SULF1: variants seen among roughly 807,000 people sequenced by gnomAD.
SULF1 encodes the protein extracellular sulfatase Sulf-1.
In SULF1, 46 loss-of-function variants were observed where a neutral mutation model predicts 110.5. The ratio of observed to expected loss-of-function variants is 0.42; its 90% CI spans 0.33 to 0.53. SULF1 has a LOEUF of 0.53. Ranked by LOEUF, SULF1 falls within the 20% of genes least tolerant of loss-of-function variation. The pLI is 0.12. For synonymous variants in SULF1, 371 were observed against 387.1 expected (o/e 0.96, Z 0.49); for missense variants, 941 against 1,094.2 (o/e 0.86, Z 1.98).
chr8:69,640,648 T>A (rs1811407868), intron 21 of SULF1, among the ~76,000 whole-genome samples, 160 bp from the exon 22 acceptor site: 1 of 152,206 alleles, frequency 6.6e-6, no homozygotes. Flanking sequence ...ATCTGCATTT[T>A]GAACCTAATA....
At chr8:69,616,021 C>A (rs1261174428) in intron 13 of SULF1, among the ~76,000 whole-genome samples, 1 of 150,978 alleles carries the variant, frequency 6.6e-6, no homozygotes, top group Non-Finnish European at 1.5e-5. Context: ...CACAAAAAGA[C>A]TTTAGACCAT....
rs1284029393 is a variant in SULF1, at chr8:69,588,977, C to T, written c.570C>T (p.Tyr190=). ...EKHGFDYAKD[Y]FTDLITNESI... is the part of the protein sequence containing the mutation. ...GTGTCAAATGTATGTTTCAGGACTA[C>T]TTCACAGACTTAATCACTAACGAGA... Residue 190 remains tyrosine, a synonymous_variant, in exon 8 of 23, where the codon TAC becomes TAT. Transcript: ENST00000402687. 6.2e-7 allele frequency: 1 copy of T among 1,612,082 alleles called. No individual in the cohort carries two copies. Among genetic ancestry groups the T allele is most frequent in the East Asian group, 2.2e-5 (1 of 44,824 alleles).
intron 5 of SULF1, among the ~76,000 whole-genome samples, chr8:69,565,074 G>A (rs1420346060): frequency 6.6e-6 from 1 of 152,156 alleles, no homozygotes; most frequent in African/African-American, 2.4e-5. Context: ...GCTGGCACTT[G>A]GTCTCCATGG....
At chr8:69,658,324 TTC>T (rs1812875914) in intron 22 of SULF1, among the ~76,000 whole-genome samples, 179 bp from the exon 23 acceptor site, 1 of 152,232 alleles carries the variant, frequency 6.6e-6, no homozygotes. Flanking sequence ...TTCCCCAATT[TTC>T]TGTTGTTTAA....
At chr8:69,511,706 T>C (rs1414889367) in intron 3 of SULF1, among the ~76,000 whole-genome samples, 1 of 152,252 alleles carries the variant, frequency 6.6e-6, no homozygotes, top group Non-Finnish European at 1.5e-5. Flanking sequence ...GAACCTACAC[T>C]GACACATCAT....
chr8:69,616,259 A>C (rs1177725690), intron 13 of SULF1, among the ~76,000 whole-genome samples: 1 of 150,002 alleles, frequency 6.7e-6, no homozygotes, highest in African/African-American at 2.5e-5. Flanking sequence ...TTGCTCTGTC[A>C]CCCAGGCTGG....
At chr8:69,487,625 C>A (rs1468959388) in intron 1 of SULF1, among the ~76,000 whole-genome samples, 1 of 152,156 alleles carries the variant, frequency 6.6e-6, no homozygotes, top group South Asian at 2.1e-4. Context: ...TTTAAATGAA[C>A]CCTTGTTCAA....
At chr8:69,510,780 C>A (rs955374594) in intron 3 of SULF1, among the ~76,000 whole-genome samples, 1 of 152,026 alleles carries the variant, frequency 6.6e-6, no homozygotes, top group African/African-American at 2.4e-5. Flanking sequence ...CCATGCCTGG[C>A]TAATTTTTAT....
intron 3 of SULF1, among the ~76,000 whole-genome samples, chr8:69,511,891 T>C (rs1811590544): frequency 1.3e-5 from 2 of 152,226 alleles, no homozygotes; most frequent in Admixed American, 6.5e-5. Flanking sequence ...ACTATTTAAA[T>C]GATCTAATTT....
chr8:69,484,997 C>T (rs1809647633), intron 1 of SULF1, among the ~76,000 whole-genome samples: 1 of 152,132 alleles, frequency 6.6e-6, no homozygotes, highest in Non-Finnish European at 1.5e-5. Context: ...TGTCACAGCA[C>T]CCGGCTACAG....
At chr8:69,586,300 A>G in intron 6 of SULF1, 57 bp from the exon 7 acceptor site, 8 of 1,490,750 alleles carry the variant, frequency 5.4e-6, no homozygotes, top group Non-Finnish European at 7.1e-6. Context: ...ATACTTATCC[A>G]TTTATTTATG....
Position 69,507,959 on chromosome 8 carries a change from T to C in SULF1, c.-134+5991T>C, listed in dbSNP as rs1357230257. On this transcript the variant is annotated intron_variant, in intron 3 of 22. Transcript: ENST00000402687. ...TGGGACAAATATATTTGAAGACTGC[T>C]TTGGATCGTGGCCATCAGAATGAAA... 2.6e-5 allele frequency among the ~76,000 whole-genome samples: 4 copies of C among 152,204 alleles called. No homozygotes were observed. The East Asian group carries it at 5.8e-4, about 22-fold the overall frequency.
chr8:69,502,690 CTTT>C (rs765285613), intron 3 of SULF1, among the ~76,000 whole-genome samples: 26 of 125,898 alleles, frequency 2.1e-4, no homozygotes, highest in African/African-American at 7.5e-4. Context: ...CTTTTTTTTT[CTTT>C]TTTTTTTTTT....
Position 69,613,400 on chromosome 8 carries a change from A to G in SULF1, c.1378-7635A>G, listed in dbSNP as rs546596072. ...CATGAAAATGGACACAAGTAGGCAT[A>G]AGTAAGAACAGAGAACAACATCCTT... is the stretch of plus-strand genomic sequence containing the variant. On this transcript the variant is annotated intron_variant, in intron 13 of 22. Transcript: ENST00000402687. Among the ~76,000 whole-genome samples the G allele has an allele frequency of 1.3e-4, 19 of 149,810 alleles. 1 individual carries two copies. The highest frequency in any genetic ancestry group is 4.2e-4 in the African/African-American group (17 of 40,546).
At chr8:69,579,840 A>C (rs1166027721) in intron 6 of SULF1, among the ~76,000 whole-genome samples, 2 of 152,222 alleles carry the variant, frequency 1.3e-5, no homozygotes, top group Non-Finnish European at 2.9e-5. Context: ...GGAGAAAGTC[A>C]ATGTGTAAAG....
At chr8:69,576,676 C>T (rs1464275970) in intron 6 of SULF1, among the ~76,000 whole-genome samples, 5 of 152,140 alleles carry the variant, frequency 3.3e-5, no homozygotes, top group Admixed American at 3.3e-4. Context: ...GCCAGTCTTT[C>T]TGAGAAAAAA....
At chr8:69,526,918 T>A (rs892305803) in intron 3 of SULF1, among the ~76,000 whole-genome samples, 3 of 152,102 alleles carry the variant, frequency 2.0e-5, no homozygotes, top group Non-Finnish European at 2.9e-5. Flanking sequence ...TGAGTTTCAC[T>A]CGGGTTACAG....
chr8:69,503,366 C>T (rs974231596), intron 3 of SULF1, among the ~76,000 whole-genome samples: 3 of 152,126 alleles, frequency 2.0e-5, no homozygotes, highest in African/African-American at 7.2e-5. Flanking sequence ...CATAAACGAG[C>T]TGAATCCACA....
rs3802276 is a variant in SULF1, at chr8:69,628,027, G to A, written c.2043-144G>A. 1.7e-3 allele frequency: 1,541 copies of A among 891,078 alleles called. 26 individuals carry two copies. In the East Asian group the frequency reaches 0.023, roughly 13 times the overall value. 55.2% of individuals were successfully genotyped at this position (891,078 alleles called of 1,614,324 possible). A position where few individuals can be genotyped will look rare whatever the true frequency, so the allele number is the denominator to read the frequency against. On this transcript the variant is annotated intron_variant, in intron 17 of 22. Transcript: ENST00000402687. ...TAAAACTAAATATGCTTAAACTTAAGCAGAAAGTAAAAAGTCACATTCAGC... is the reference window on the plus strand; with the variant it reads ...TAAAACTAAATATGCTTAAACTTAAACAGAAAGTAAAAAGTCACATTCAGC...
Sources: allele counts gnomAD v4.1 joint callset (sites outside exome capture counted in the v4.1 genomes callset), GRCh38; gene constraint gnomAD v4.1.1; transcripts MANE v1.5; gene names NCBI Gene and HGNC (gene_info 2026-07-23, HGNC 2026-07-21).